RIPOR3: variants seen among roughly 807,000 people sequenced by gnomAD.
RIPOR3 encodes RIPOR family member 3.
In RIPOR3, 95 loss-of-function variants were observed where a neutral mutation model predicts 114.3. That is an observed-to-expected ratio of 0.83 (90% CI 0.70 to 0.99). The LOEUF is 0.99. RIPOR3 is among the 50% of genes least tolerant of loss of function. The pLI is 0.00. For synonymous variants in RIPOR3, 575 were observed against 543.8 expected (o/e 1.06, Z -0.80); for missense variants, 1,252 against 1,266.9 (o/e 0.99, Z 0.18).
chr20:50,658,515 C>T (rs926058166), intron 1 of RIPOR3, among the ~76,000 whole-genome samples: 60 of 152,228 alleles, frequency 3.9e-4, no homozygotes, highest in African/African-American at 1.4e-3. Context: ...TGAGACCAGC[C>T]TGGACAACAG....
intron 1 of RIPOR3, among the ~76,000 whole-genome samples, chr20:50,674,184 A>G (rs1444883673): frequency 2.0e-5 from 3 of 152,108 alleles, no homozygotes; most frequent in East Asian, 1.9e-4. Context: ...GGATTCCAGG[A>G]CAGAAAGTAC....
At position 50,609,631 on chromosome 20, in the gene RIPOR3, C is replaced by T; in HGVS notation, c.518G>A (p.Ser173Asn). The T allele has an allele frequency of 1.4e-6, 2 of 1,403,520 alleles. No homozygotes were observed. The highest frequency in any genetic ancestry group is 1.8e-6 in the Non-Finnish European group (2 of 1,082,756). 86.9% of individuals were successfully genotyped at this position (1,403,520 alleles called of 1,614,324 possible). A position where few individuals can be genotyped will look rare whatever the true frequency, so the allele number is the denominator to read the frequency against. The change falls in exon 7 of 22, where the codon AGC becomes AAC. Residue 173 changes from serine to asparagine, a missense_variant. Physicochemically the swap from Ser to Asn is conservative, Grantham distance 46. Coordinates refer to ENST00000327979, the MANE Select transcript of RIPOR3 (RefSeq NM_001290268.2). ...MQRAFARCPP[S>N]RAARESLQEL... ...CTGCAGGCTCTCTCGGGCTGCGCGGCTCGGGGGGCACCGGGCGAAGGCCCG... is the reference window on the plus strand; with the variant it reads ...CTGCAGGCTCTCTCGGGCTGCGCGGTTCGGGGGGCACCGGGCGAAGGCCCG...
At chr20:50,589,564 G>A in intron 20 of RIPOR3, 122 bp downstream of exon 20, 2 of 1,035,450 alleles carry the variant, frequency 1.9e-6, no homozygotes, top group African/African-American at 1.6e-5. Context: ...CCAAAGTGCT[G>A]AGATTACAGG....
intron 1 of RIPOR3, among the ~76,000 whole-genome samples, chr20:50,657,379 T>C (rs1244877250): frequency 6.6e-6 from 1 of 152,142 alleles, no homozygotes; most frequent in East Asian, 1.9e-4. Context: ...ATACAAAAAT[T>C]AGCCAGGCCT....
intron 1 of RIPOR3, among the ~76,000 whole-genome samples, chr20:50,635,379 C>T (rs1421346439): frequency 6.6e-6 from 1 of 152,166 alleles, no homozygotes; most frequent in African/African-American, 2.4e-5. Context: ...TCATGCCAGG[C>T]GTGGCGACTC....
At chr20:50,616,444 A>G (rs544175541) in intron 3 of RIPOR3, among the ~76,000 whole-genome samples, 2 of 152,130 alleles carry the variant, frequency 1.3e-5, no homozygotes, top group African/African-American at 4.8e-5. Flanking sequence ...CTGGGTTCAA[A>G]TGATTCTTAT....
chr20:50,597,902 T>A (rs1284036126), intron 13 of RIPOR3, among the ~76,000 whole-genome samples, 192 bp from the exon 14 acceptor site: 2 of 152,098 alleles, frequency 1.3e-5, no homozygotes, highest in Non-Finnish European at 2.9e-5. Context: ...CCAAAGTCCC[T>A]CCTGAATGGC....
At chr20:50,615,964 G>A (rs1054701691) in intron 4 of RIPOR3, 38 bp downstream of exon 4, 3 of 1,574,764 alleles carry the variant, frequency 1.9e-6, no homozygotes, top group African/African-American at 2.7e-5. Flanking sequence ...TCCTGGCCAA[G>A]GCTATCTGGG....
chr20:50,691,341 T>A lies in RIPOR3; in HGVS notation c.-213A>T. Reference sequence around the variant, plus strand: ...GGACCTGCTGCGCCCCGAGTCTTCCTTCTGGTGCAGGGAGGCCGGTGCCCT... The same window carrying A: ...GGACCTGCTGCGCCCCGAGTCTTCCATCTGGTGCAGGGAGGCCGGTGCCCT... On this transcript the variant is annotated 5_prime_UTR_variant, in exon 1 of 22. In the 5' UTR this introduces an upstream ATG that the reference lacks. Transcript: ENST00000327979. 2.1e-6 allele frequency: 1 copy of A among 468,836 alleles called. No individual in the cohort carries two copies. The highest frequency in any genetic ancestry group is 3.6e-6 in the Non-Finnish European group (1 of 276,872). The allele number at this position is 468,836 out of a possible 1,614,324, so 29.0% of individuals were successfully genotyped here. A position where few individuals can be genotyped will look rare whatever the true frequency, so the allele number is the denominator to read the frequency against.
chr20:50,680,294 T>C (rs1355468370), intron 1 of RIPOR3, among the ~76,000 whole-genome samples: 9 of 152,188 alleles, frequency 5.9e-5, no homozygotes, highest in Non-Finnish European at 1.2e-4. Context: ...CCTGGAGTCA[T>C]GACAAGGAAA....
In RIPOR3 at chr20:50,590,461, G is replaced by A. The variant is rs541951828; in HGVS notation, c.2578-692C>T. Among the ~76,000 whole-genome samples the A allele has an allele frequency of 9.8e-5, 15 of 152,340 alleles. No individual in the cohort carries two copies. In the East Asian group the frequency reaches 2.5e-3, roughly 25 times the overall value. ...GCACCTTCAACTGCACGGGTGGGGC[G>A]ATGGAGGGGCCCAGGTGTAGAGTTG... is the stretch of plus-strand genomic sequence containing the variant. On this transcript the variant is annotated intron_variant, in intron 19 of 21. Transcript: ENST00000327979.
intron 3 of RIPOR3, among the ~76,000 whole-genome samples, chr20:50,616,818 G>A (rs1022347855): frequency 6.6e-6 from 1 of 152,152 alleles, no homozygotes; most frequent in African/African-American, 2.4e-5. Context: ...CCCAGCTCAT[G>A]GGGAGGTCAT....
chr20:50,604,696 C>G lies in RIPOR3; in HGVS notation c.1035G>C (p.Leu345Phe), dbSNP rs775276182. The G allele has an allele frequency of 6.2e-7, 1 of 1,609,200 alleles. No individual in the cohort carries two copies. Among genetic ancestry groups the G allele is most frequent in the African/African-American group, 1.3e-5 (1 of 74,450 alleles). Residue 345 changes from leucine to phenylalanine, a missense_variant, in exon 12 of 22, where the codon TTG becomes TTC. Physicochemically the swap from Leu to Phe is conservative, Grantham distance 22. Transcript: ENST00000327979. ...KFSMGSRKGS[L>F]YNWTPPSTPS... The stretch of plus-strand genomic sequence containing the variant: ...GGGTGCTCGGGGGTGTCCAGTTGTA[C>G]AAGGAGCCCTTCCTGCTGCCCATAG...
intron 20 of RIPOR3, among the ~76,000 whole-genome samples, chr20:50,588,113 AGC>A (rs1212482404): frequency 2.0e-5 from 3 of 152,126 alleles, no homozygotes; most frequent in Non-Finnish European, 4.4e-5. Flanking sequence ...CCCGCTAGGG[AGC>A]CAGGCTGTTA....
intron 4 of RIPOR3, among the ~76,000 whole-genome samples, chr20:50,611,945 G>A (rs1246314346): frequency 6.6e-6 from 1 of 151,940 alleles, no homozygotes; most frequent in Non-Finnish European, 1.5e-5. Context: ...CCAACGTGGC[G>A]AAACCCCATC....
chr20:50,643,029 C>G (rs2085261940), intron 1 of RIPOR3, among the ~76,000 whole-genome samples: 1 of 151,040 alleles, frequency 6.6e-6, no homozygotes, highest in African/African-American at 2.4e-5. Flanking sequence ...GACTGGGCAA[C>G]AAGACCGAAA....
chr20:50,667,659 G>A (rs1244519297), intron 1 of RIPOR3, among the ~76,000 whole-genome samples: 1 of 152,166 alleles, frequency 6.6e-6, no homozygotes, highest in African/African-American at 2.4e-5. Context: ...CATAGAGAGG[G>A]GAGGGCAGGG....
chr20:50,630,909 G>A (rs899707278), intron 1 of RIPOR3, 53 bp from the exon 2 acceptor site: 220 of 1,428,302 alleles, frequency 1.5e-4, no homozygotes, highest in Non-Finnish European at 1.5e-4. Context: ...AGCGAGTGCC[G>A]TCCGCAGGCC....
intron 1 of RIPOR3, among the ~76,000 whole-genome samples, chr20:50,681,599 C>T (rs1351067683): frequency 6.6e-6 from 1 of 152,218 alleles, no homozygotes; most frequent in Non-Finnish European, 1.5e-5. Flanking sequence ...CTTCTAAGGG[C>T]ACCTCCATTT....
Sources: allele counts gnomAD v4.1 joint callset (sites outside exome capture counted in the v4.1 genomes callset), GRCh38; gene constraint gnomAD v4.1.1; transcripts MANE v1.5; gene names NCBI Gene and HGNC (gene_info 2026-07-23, HGNC 2026-07-21).